EMSY: variants seen among roughly 807,000 people sequenced by gnomAD.
EMSY encodes the protein EMSY transcriptional repressor, BRCA2 interacting, also known as BRCA2-interacting transcriptional repressor EMSY.
In EMSY, 26 loss-of-function variants were observed where a neutral mutation model predicts 134.6. The observed-to-expected ratio is 0.19, with a 90% CI of 0.14 to 0.27. The LOEUF (loss-of-function observed/expected upper bound fraction) is 0.27. Ranked by LOEUF, EMSY falls within the 10% of genes least tolerant of loss-of-function variation. The pLI, the probability that EMSY is intolerant of heterozygous loss-of-function variation, is 1.00. For synonymous variants in EMSY, 579 were observed against 577.8 expected (o/e 1.00, Z -0.03); for missense variants, 1,305 against 1,611.4 (o/e 0.81, Z 3.26).
At chr11:76,490,261 G>T (rs556858740) in intron 8 of EMSY, among the ~76,000 whole-genome samples, 1 of 151,648 alleles carries the variant, frequency 6.6e-6, no homozygotes, top group South Asian at 2.1e-4. Context: ...CTAGAGTAGG[G>T]TTCTCAACCT....
chr11:76,490,245 G>A lies in EMSY; in HGVS notation c.1109-5970G>A, dbSNP rs1024158560. On this transcript the variant is annotated intron_variant, in intron 8 of 20. Coordinates refer to ENST00000334736, the Ensembl canonical transcript of EMSY. ...CGGTAGCTACACTTAAAAAAAAATA[G>A]TTGCTCTAGAGTAGGGTTCTCAACC... Among the ~76,000 whole-genome samples, 4 of 150,616 alleles carry A rather than the reference G, an allele frequency of 2.7e-5. No homozygotes were observed. In the South Asian group the frequency reaches 6.3e-4, roughly 24 times the overall value.
intron 10 of EMSY, among the ~76,000 whole-genome samples, chr11:76,515,142 G>A (rs73495405): frequency 2.2e-4 from 29 of 134,036 alleles, no homozygotes; most frequent in African/African-American, 6.7e-4. Flanking sequence ...TGTTCCTCCC[G>A]TTCTCCCTTT....
downstream of EMSY, chr11:76,552,531 A>G (rs1297798546): frequency 6.6e-6 from 1 of 152,354 alleles, no homozygotes; most frequent in East Asian, 1.9e-4. Context: ...TTAGAATCCT[A>G]ACAACTATTA....
chr11:76,461,524 A>G (rs1484637382), intron 6 of EMSY, among the ~76,000 whole-genome samples: 1 of 152,264 alleles, frequency 6.6e-6, no homozygotes, highest in Non-Finnish European at 1.5e-5. Context: ...TAGTTCATAA[A>G]GAAAAAACGC....
intron 2 of EMSY, among the ~76,000 whole-genome samples, chr11:76,448,091 C>T (rs1326845817): frequency 6.6e-6 from 1 of 152,052 alleles, no homozygotes; most frequent in Non-Finnish European, 1.5e-5. Context: ...AAGAGGATAA[C>T]ACTCTCTGCC....
intron 6 of EMSY, among the ~76,000 whole-genome samples, chr11:76,463,351 C>T (rs150765762): frequency 0.04 from 6,039 of 151,690 alleles, 145 homozygotes; most frequent in Admixed American, 0.051. Context: ...CAGCCGGGCG[C>T]GGTGGCTCAC....
chr11:76,493,792 T>G (rs1056325833), intron 8 of EMSY, among the ~76,000 whole-genome samples: 31 of 152,166 alleles, frequency 2.0e-4, no homozygotes, highest in Non-Finnish European at 2.5e-4. Context: ...ACTTCATTCT[T>G]CCTGGATGCG....
chr11:76,486,510 T>C (rs892345672), intron 8 of EMSY, among the ~76,000 whole-genome samples: 3 of 152,076 alleles, frequency 2.0e-5, no homozygotes, highest in Non-Finnish European at 2.9e-5. Context: ...CTGTTGCCAA[T>C]GCTTGGAACA....
intron 4 of EMSY, 87 bp from the exon 5 acceptor site, chr11:76,454,662 G>A: frequency 7.2e-6 from 6 of 829,348 alleles, no homozygotes; most frequent in Non-Finnish European, 1.1e-5. Context: ...AGGTATTGTG[G>A]GGCAACTAGT....
In EMSY at chr11:76,521,766, A is replaced by T. The variant is rs73495407; in HGVS notation, c.1685-1389A>T. 5.5e-3 allele frequency among the ~76,000 whole-genome samples: 720 copies of T among 131,792 alleles called. 4 individuals are homozygous for T. Among genetic ancestry groups the T allele is most frequent in the African/African-American group, 0.02 (682 of 33,800 alleles). 86.5% of individuals were successfully genotyped at this position (131,792 alleles called of 152,430 possible). A position where few individuals can be genotyped will look rare whatever the true frequency, so the allele number is the denominator to read the frequency against. ...AACAGAGTGAGACCCTGTTTCTCTT[A>T]AAAAAAAAAAAAAAAAAGTCCAGGC... On this transcript the variant is annotated intron_variant, in intron 11 of 20. Coordinates refer to ENST00000334736, the Ensembl canonical transcript of EMSY.
intron 8 of EMSY, among the ~76,000 whole-genome samples, chr11:76,484,440 C>CA (rs1949101458): frequency 1.3e-5 from 2 of 152,116 alleles, no homozygotes; most frequent in East Asian, 3.9e-4. Context: ...AAAAACCCTT[C>CA]AAAAAATCAG....
intron 20 of EMSY, among the ~76,000 whole-genome samples, chr11:76,548,481 A>AT (rs1205454575): frequency 4.6e-5 from 7 of 152,314 alleles, no homozygotes; most frequent in Admixed American, 1.3e-4. Context: ...TGTATCTTCT[A>AT]TTATAAAAGA....
downstream of EMSY, chr11:76,551,592 GGTT>G (rs1951838088): frequency 6.6e-6 from 1 of 152,650 alleles, no homozygotes; most frequent in Non-Finnish European, 1.5e-5. Flanking sequence ...GATCTCTGGT[GGTT>G]GTCACTAGTT....
chr11:76,503,228 G>A (rs985809176), intron 9 of EMSY, among the ~76,000 whole-genome samples: 1 of 148,166 alleles, frequency 6.7e-6, no homozygotes, highest in Non-Finnish European at 1.5e-5. Flanking sequence ...TTGTACCTGA[G>A]AGGCGGAGGT....
chr11:76,523,974 C>T (rs969915657), intron 12 of EMSY, among the ~76,000 whole-genome samples: 15 of 151,790 alleles, frequency 9.9e-5, no homozygotes, highest in East Asian at 1.9e-4. Context: ...CACATGAGCC[C>T]GGGAGTTTGA....
At chr11:76,526,909 T>C (rs1410758215) in intron 13 of EMSY, among the ~76,000 whole-genome samples, 1 of 152,112 alleles carries the variant, frequency 6.6e-6, no homozygotes, top group African/African-American at 2.4e-5. Flanking sequence ...GTGTATTTTG[T>C]GATTTGAGGG....
At chr11:76,520,590 A>G (rs555176743) in intron 11 of EMSY, among the ~76,000 whole-genome samples, 1 of 152,318 alleles carries the variant, frequency 6.6e-6, no homozygotes, top group East Asian at 1.9e-4. Context: ...AATAAATGGA[A>G]AAACAGTTGT....
chr11:76,502,703 C>G (rs1949920902), intron 9 of EMSY, among the ~76,000 whole-genome samples: 1 of 151,550 alleles, frequency 6.6e-6, no homozygotes, highest in Admixed American at 6.6e-5. Context: ...TATAATAGCA[C>G]CAAAAGAACA....
At chr11:76,456,629 TC>T (rs1947884355) in intron 4 of EMSY, among the ~76,000 whole-genome samples, 1 of 152,316 alleles carries the variant, frequency 6.6e-6, no homozygotes, top group Middle Eastern at 3.4e-3. Flanking sequence ...AAAAGTAGCA[TC>T]AACTTGGGGA....
Sources: allele counts gnomAD v4.1 joint callset (sites outside exome capture counted in the v4.1 genomes callset), GRCh38; gene constraint gnomAD v4.1.1; transcripts MANE v1.5; gene names NCBI Gene and HGNC (gene_info 2026-07-23, HGNC 2026-07-21).